USP24: variants seen among roughly 807,000 people sequenced by gnomAD.
USP24 encodes ubiquitin specific peptidase 24.
In USP24, 97 loss-of-function variants were observed where a neutral mutation model predicts 361.6. The ratio of observed to expected loss-of-function variants is 0.27; its 90% CI spans 0.23 to 0.32. USP24 has a LOEUF of 0.32. Ranked by LOEUF, USP24 falls within the 10% of genes least tolerant of loss-of-function variation. The pLI is 1.00. For synonymous variants in USP24, 1,098 were observed against 1,124.6 expected (o/e 0.98, Z 0.47); for missense variants, 2,353 against 3,165.6 (o/e 0.74, Z 6.16).
intron 1 of USP24, among the ~76,000 whole-genome samples, chr1:55,189,417 T>C (rs1644227814): frequency 6.6e-6 from 1 of 152,214 alleles, no homozygotes; most frequent in Non-Finnish European, 1.5e-5. Flanking sequence ...AAATAAGTTC[T>C]GAAGTTCAGT....
intron 1 of USP24, among the ~76,000 whole-genome samples, chr1:55,191,185 A>G (rs751047248): frequency 1.7e-4 from 26 of 152,216 alleles, no homozygotes; most frequent in Non-Finnish European, 3.5e-4. Flanking sequence ...CAAGAAAAAT[A>G]ATACAGATGA....
At position 55,075,656 on chromosome 1, in the gene USP24, A is replaced by C. The variant is rs1257893469; in HGVS notation, c.7381-133T>G. On this transcript the variant is annotated intron_variant, in intron 62 of 67. Coordinates refer to ENST00000294383, the MANE Select transcript of USP24 (RefSeq NM_015306.3). Reference sequence around the variant, plus strand: ...AACAACAACAACAACAACAACAACAACAACAACAACACCACCACCACCAAT... The same window carrying C: ...AACAACAACAACAACAACAACAACACCAACAACAACACCACCACCACCAAT... The C allele has an allele frequency of 1.4e-5, 7 of 498,920 alleles. No individual in the cohort carries two copies. In the African/African-American group the frequency reaches 3.1e-4, roughly 22 times the overall value. 30.9% of individuals were successfully genotyped at this position (498,920 alleles called of 1,614,324 possible).
At chr1:55,166,690 C>G (rs1241560591) in intron 5 of USP24, 87 bp from the exon 6 acceptor site, 2 of 1,274,822 alleles carry the variant, frequency 1.6e-6, no homozygotes, top group East Asian at 2.6e-5. Context: ...AATGAAAAGT[C>G]AGAAGAAAAA....
chr1:55,073,799 T>G, intron 64 of USP24, 29 bp downstream of exon 64: 1 of 1,544,296 alleles, frequency 6.5e-7, no homozygotes, highest in Non-Finnish European at 8.8e-7. Flanking sequence ...AAACACCATT[T>G]CCTCCCTGCA....
rs1288756512 is a variant in USP24, at chr1:55,143,057, A to G, written c.2502T>C (p.Pro834=). The stretch of plus-strand genomic sequence containing the variant: ...TAGCTTCATTAGCAATTTCTTCATC[A>G]GGTGATTCCATGGCTATTTTCCAAA... ...DFIWKIAMES[P]DEEIANEAIQ... is the part of the protein sequence containing the mutation. Residue 834 remains proline (P), a synonymous_variant, in exon 22 of 68, where the codon CCT becomes CCC. Transcript: ENST00000294383. The G allele has an allele frequency of 1.3e-6, 2 of 1,534,904 alleles. No homozygotes were observed. Among genetic ancestry groups the G allele is most frequent in the East Asian group, 2.5e-5 (1 of 40,222 alleles).
chr1:55,141,129 T>C (rs773797239), intron 24 of USP24, among the ~76,000 whole-genome samples: 11 of 152,200 alleles, frequency 7.2e-5, no homozygotes, highest in African/African-American at 1.7e-4. Flanking sequence ...ACTAATCATA[T>C]GCAAGCATAA....
At chr1:55,163,189 A>T (rs144977737) in intron 7 of USP24, among the ~76,000 whole-genome samples, 72 of 152,118 alleles carry the variant, frequency 4.7e-4, no homozygotes, top group Non-Finnish European at 7.9e-4. Context: ...AAAGTATAAA[A>T]AGAAAAAATA....
In USP24 at chr1:55,100,992, T is replaced by C. The variant is rs774179427; in HGVS notation, c.5146-28A>G. The C allele has an allele frequency of 4.3e-5, 69 of 1,601,248 alleles. No individual in the cohort carries two copies. In the South Asian group the frequency reaches 7.2e-4, roughly 17 times the overall value. Reference sequence around the variant, plus strand: ...GCACAGAAAAGAAACATATCAAGCTTGAAATATTTAAAATGCTTCACAGGA... The same window carrying C: ...GCACAGAAAAGAAACATATCAAGCTCGAAATATTTAAAATGCTTCACAGGA... On this transcript the variant is annotated intron_variant, in intron 43 of 67. Transcript: ENST00000294383.
chr1:55,177,722 GA>G (rs1315186726), intron 2 of USP24, among the ~76,000 whole-genome samples: 1 of 152,098 alleles, frequency 6.6e-6, no homozygotes, highest in Non-Finnish European at 1.5e-5. Context: ...AGCTTCTGTG[GA>G]AAAAGTTAAT....
chr1:55,126,346 C>A (rs1194724300), intron 32 of USP24, among the ~76,000 whole-genome samples: 3 of 152,166 alleles, frequency 2.0e-5, no homozygotes, highest in African/African-American at 7.2e-5. Flanking sequence ...CTAGATGTCA[C>A]CCCAGCGAAG....
intron 42 of USP24, among the ~76,000 whole-genome samples, chr1:55,102,016 C>CTG (rs1645647976): frequency 6.6e-6 from 1 of 152,152 alleles, no homozygotes; most frequent in South Asian, 2.1e-4. Flanking sequence ...CTGCCAGGCA[C>CTG]TGTGCATGGG....
At chr1:55,214,712 A>T in intron 1 of USP24, 78 bp downstream of exon 1, 1 of 1,088,978 alleles carries the variant, frequency 9.2e-7, no homozygotes, top group Admixed American at 5.1e-5. Context: ...CCCCACACCA[A>T]GCCCAGCGGG....
At chr1:55,076,814 T>C (rs950011803) in intron 62 of USP24, among the ~76,000 whole-genome samples, 2 of 152,234 alleles carry the variant, frequency 1.3e-5, no homozygotes, top group Admixed American at 6.5e-5. Flanking sequence ...ATATTTTTCA[T>C]AGTACGTACA....
chr1:55,071,144 C>T (rs1331328528), intron 67 of USP24: 1 of 985,086 alleles, frequency 1.0e-6, no homozygotes, highest in Non-Finnish European at 1.2e-6. Context: ...ACACCTACTA[C>T]ATCAGTAACA....
Position 55,072,381 on chromosome 1 carries a change from G to A in USP24, c.7625C>T (p.Pro2542Leu), listed in dbSNP as rs1463807497. The A allele has an allele frequency of 6.2e-7, 1 of 1,613,542 alleles. No homozygotes were observed. Among genetic ancestry groups the A allele is most frequent in the Admixed American group, 1.7e-5 (1 of 59,992 alleles). Residue 2542 changes from proline to leucine, a missense_variant, in exon 66 of 68, where the codon CCA becomes CTA. Coordinates refer to ENST00000294383, the MANE Select transcript of USP24 (RefSeq NM_015306.3). The stretch of plus-strand genomic sequence containing the variant: ...TGTTTCATTAGAGACATTACTCTGT[G>A]GTGTCCAGTAATGTTCTGACATCTG... ...QKKMSEHYWT[P>L]QSNVSNETST...
intron 1 of USP24, among the ~76,000 whole-genome samples, chr1:55,180,139 T>C (rs938560966): frequency 3.3e-5 from 5 of 152,138 alleles, no homozygotes; most frequent in Non-Finnish European, 7.3e-5. Context: ...CACAGCAGTA[T>C]TTCTGGCCCC....
intron 67 of USP24, 193 bp downstream of exon 67, chr1:55,071,621 C>T: frequency 8.8e-7 from 1 of 1,137,862 alleles, no homozygotes; most frequent in African/African-American, 1.6e-5. Flanking sequence ...CTTCACACTG[C>T]AGCACTACTC....
chr1:55,079,758 C>CT, intron 59 of USP24, 99 bp from the exon 60 acceptor site: 1 of 1,440,938 alleles, frequency 6.9e-7, no homozygotes, highest in Non-Finnish European at 9.1e-7. Context: ...AAGACTCGCA[C>CT]ACACACTGAG....
At position 55,097,148 on chromosome 1, in the gene USP24, G is replaced by C; in HGVS notation, c.5740C>G (p.Pro1914Ala). ...IRFPWMLNME[P>A]YTVSGMARQD... ...CGAGCCATTCCTGAAACTGTGTAAG[G>C]CTCCATGTTTAGCATCCAGGGAAAC... is the stretch of plus-strand genomic sequence containing the variant. Residue 1914 changes from proline to alanine, a missense_variant, in exon 49 of 68, where the codon CCT (proline) becomes GCT (alanine). Physicochemically the swap from Pro to Ala is conservative, Grantham distance 27. Around this residue, in one of 8 missense-constraint regions of USP24, gnomAD observed 598 missense variants for 761.9 expected, o/e 0.78. Transcript: ENST00000294383. 3 of 1,613,930 alleles carry C rather than the reference G, an allele frequency of 1.9e-6. No individual in the cohort carries two copies. Among genetic ancestry groups the C allele is most frequent in the Non-Finnish European group, 2.5e-6 (3 of 1,179,874 alleles).
Sources: gnomAD v4.1 joint callset for allele counts (sites outside exome capture counted in the v4.1 genomes callset) on GRCh38, gnomAD v4.1.1 for gene constraint, gnomAD v4.1.1 regional missense constraint, MANE v1.5 for transcripts, NCBI Gene and HGNC (gene_info 2026-07-23, HGNC 2026-07-21) for gene names.